Variants in IL1RAPL2 observed in about 807,000 individuals in gnomAD.
IL1RAPL2 encodes the protein X-linked interleukin-1 receptor accessory protein-like 2.
A neutral mutation model predicts 44.1 loss-of-function variants in IL1RAPL2; 3 were observed. That is an observed-to-expected ratio of 0.07 (90% CI 0.03 to 0.18). The LOEUF is 0.18. Among genes scored for constraint, IL1RAPL2 ranks in the 10% least tolerant of loss-of-function variants. The pLI is 1.00. For missense variants in IL1RAPL2, 391 were observed against 496.4 expected (o/e 0.79, Z 2.02); for synonymous variants, 181 against 178.8 (o/e 1.01, Z -0.10).
At chrX:105,702,472 G>A (rs1385828664) in intron 6 of IL1RAPL2, among the ~76,000 whole-genome samples, 1 of 111,847 alleles carries the variant, frequency 8.9e-6, no homozygotes, top group Non-Finnish European at 1.9e-5. Flanking sequence ...TAAAATAGAA[G>A]CTTTAACTGC....
chrX:104,917,002 T>C (rs1052932785), intron 2 of IL1RAPL2, among the ~76,000 whole-genome samples: 1 of 112,046 alleles, frequency 8.9e-6, no homozygotes, highest in African/African-American at 3.2e-5. Flanking sequence ...TGCATTGATG[T>C]TCATCAAAGA....
chrX:105,220,939 A>G (rs2033956651), intron 3 of IL1RAPL2, among the ~76,000 whole-genome samples: 1 of 112,065 alleles, frequency 8.9e-6, no homozygotes. Flanking sequence ...CCTCTTGACA[A>G]TGGTTTGTCC....
rs779436188 is a variant in IL1RAPL2 at position 105,033,353 on chromosome X, G to A, written c.83-162122G>A. 3.7e-4 allele frequency among the ~76,000 whole-genome samples: 41 copies of A among 111,704 alleles called. No homozygotes were observed. In the East Asian group the frequency reaches 0.012, roughly 32 times the overall value. ...TTACATTTTGGCATGTTTTTGCAGT[G>A]GCTGGTACCGGTTGTTCCTTTCCAT... On this transcript the variant is annotated intron_variant, in intron 2 of 10. Transcript: ENST00000372582.
At chrX:105,735,292 C>T in intron 7 of IL1RAPL2, among the ~76,000 whole-genome samples, 1 of 109,756 alleles carries the variant, frequency 9.1e-6, no homozygotes, top group Non-Finnish European at 1.9e-5. Context: ...CTGGTTACTA[C>T]CCCTCCCTCA....
At chrX:105,021,604 G>A (rs1317998776) in intron 2 of IL1RAPL2, among the ~76,000 whole-genome samples, 2 of 111,012 alleles carry the variant, frequency 1.8e-5, no homozygotes, top group Non-Finnish European at 3.8e-5. Context: ...GGAATTCTCA[G>A]GATATCGATT....
At chrX:105,407,146 AGG>A in intron 5 of IL1RAPL2, 1 of 400,314 alleles carries the variant, frequency 2.5e-6, no homozygotes, top group African/African-American at 6.0e-5. Flanking sequence ...TAACACTGTA[AGG>A]AAATTAAAAA....
chrX:105,669,556 A>G (rs2037799386), intron 6 of IL1RAPL2, among the ~76,000 whole-genome samples: 1 of 111,533 alleles, frequency 9.0e-6, no homozygotes, highest in African/African-American at 3.3e-5. Context: ...AAATTTTGAG[A>G]TGACCATTTT....
intron 2 of IL1RAPL2, among the ~76,000 whole-genome samples, chrX:105,013,304 G>A (rs1477785319): frequency 3.6e-5 from 4 of 110,572 alleles, no homozygotes; most frequent in Non-Finnish European, 3.8e-5. Context: ...TTCCTTTTGT[G>A]CTTCTAGCTA....
chrX:105,710,302 A>C (rs894632468), intron 6 of IL1RAPL2, among the ~76,000 whole-genome samples: 1 of 105,367 alleles, frequency 9.5e-6, no homozygotes, highest in Non-Finnish European at 1.9e-5. Flanking sequence ...CAGATTAATT[A>C]GCTTTGGTAG....
chrX:105,745,138 T>G (rs770130072), intron 8 of IL1RAPL2, among the ~76,000 whole-genome samples: 1 of 111,721 alleles, frequency 9.0e-6, no homozygotes, highest in Non-Finnish European at 1.9e-5. Flanking sequence ...CATTTTTGTC[T>G]GAGATATCAG....
intron 2 of IL1RAPL2, among the ~76,000 whole-genome samples, chrX:104,892,048 A>T (rs955431287): frequency 6.3e-5 from 7 of 111,747 alleles, no homozygotes; most frequent in Non-Finnish European, 1.3e-4. Context: ...ATCTATTGAG[A>T]TAATCATGTG....
chrX:105,601,547 G>A (rs142359466), intron 6 of IL1RAPL2, among the ~76,000 whole-genome samples: 9 of 111,242 alleles, frequency 8.1e-5, no homozygotes, highest in Admixed American at 4.8e-4. Flanking sequence ...TCTCAGCAGC[G>A]CCTATTGCCG....
intron 6 of IL1RAPL2, among the ~76,000 whole-genome samples, chrX:105,715,049 C>T (rs747977160): frequency 8.9e-6 from 1 of 112,118 alleles, no homozygotes; most frequent in African/African-American, 3.2e-5. Flanking sequence ...TGTGTTCTGA[C>T]ACTGGCCTGC....
At chrX:104,951,718 C>T (rs1184968284) in intron 2 of IL1RAPL2, among the ~76,000 whole-genome samples, 1 of 112,310 alleles carries the variant, frequency 8.9e-6, no homozygotes, top group Non-Finnish European at 1.9e-5. Flanking sequence ...GAGTGAATTA[C>T]TCAACAACTA....
intron 6 of IL1RAPL2, among the ~76,000 whole-genome samples, chrX:105,507,363 C>T (rs1453473306): frequency 2.7e-5 from 3 of 111,394 alleles, no homozygotes; most frequent in Non-Finnish European, 5.7e-5. Flanking sequence ...AAAGAGGTGG[C>T]GTGGCCATCA....
At chrX:105,705,331 G>C (rs1422906773) in intron 6 of IL1RAPL2, among the ~76,000 whole-genome samples, 1 of 111,522 alleles carries the variant, frequency 9.0e-6, no homozygotes, top group African/African-American at 3.3e-5. Context: ...AAAAATCGCA[G>C]TTACTCAGGA....
chrX:104,727,388 C>T (rs1431075072), intron 2 of IL1RAPL2, among the ~76,000 whole-genome samples: 1 of 110,980 alleles, frequency 9.0e-6, no homozygotes, highest in Non-Finnish European at 1.9e-5. Flanking sequence ...AATGAGATAC[C>T]ATTTTATACT....
intron 2 of IL1RAPL2, among the ~76,000 whole-genome samples, chrX:105,190,160 A>G (rs2033621538): frequency 9.0e-6 from 1 of 111,604 alleles, no homozygotes; most frequent in African/African-American, 3.3e-5. Context: ...GTTCTATTCT[A>G]AGGGCTCAAT....
intron 2 of IL1RAPL2, among the ~76,000 whole-genome samples, chrX:104,753,199 A>T (rs773145986): frequency 5.5e-4 from 60 of 108,403 alleles, no homozygotes; most frequent in Non-Finnish European, 9.4e-4. Context: ...CTCTAAGAAG[A>T]TGCTCAACAA....
Sources: gnomAD v4.1 joint callset for allele counts (sites outside exome capture counted in the v4.1 genomes callset) on GRCh38, gnomAD v4.1.1 for gene constraint, MANE v1.5 for transcripts, NCBI Gene and HGNC (gene_info 2026-07-23, HGNC 2026-07-21) for gene names.